Variants in CCDC85C observed in about 807,000 individuals in gnomAD.
CCDC85C encodes the protein coiled-coil domain-containing protein 85C.
A neutral mutation model predicts 38.3 loss-of-function variants in CCDC85C; 18 were observed. The ratio of observed to expected loss-of-function variants is 0.47; its 90% CI spans 0.33 to 0.70. The LOEUF (loss-of-function observed/expected upper bound fraction) is 0.70, where lower values mean the gene tolerates loss of function less well. CCDC85C is among the 30% of genes least tolerant of loss of function. CCDC85C has a pLI of 0.03. For synonymous variants in CCDC85C, 264 were observed against 293.8 expected, an observed-to-expected ratio of 0.90 and a Z score of 1.04; for missense variants, 566 against 621.2, an observed-to-expected ratio of 0.91 and a Z score of 0.94.
chr14:99,507,280 G>A lies in CCDC85C; in HGVS notation c.*7966C>T. 4.1e-6 allele frequency: 3 copies of A among 724,734 alleles called. No homozygotes were observed. Among genetic ancestry groups the A allele is most frequent in the Non-Finnish European group, 5.0e-6 (2 of 399,254 alleles). 44.9% of individuals were successfully genotyped at this position (724,734 alleles called of 1,614,324 possible). A position where few individuals can be genotyped will look rare whatever the true frequency, so the allele number is the denominator to read the frequency against. ...ATGTCAGCCACAGGCAGGAATCTTT[G>A]CAAAATTGTTCTTGGGCTGGGCACA... On this transcript the variant is annotated 3_prime_UTR_variant, in exon 6 of 6. Coordinates refer to ENST00000380243, the MANE Select transcript of CCDC85C (RefSeq NM_001144995.2).
intron 1 of CCDC85C, among the ~76,000 whole-genome samples, chr14:99,551,192 G>A (rs899792985): frequency 1.3e-5 from 2 of 152,212 alleles, no homozygotes; most frequent in African/African-American, 4.8e-5. Context: ...GTCCTGGGGT[G>A]GGGTGAGGGT....
intron 1 of CCDC85C, chr14:99,580,162 C>G (rs1307921821): frequency 4.4e-6 from 2 of 454,512 alleles, no homozygotes; most frequent in African/African-American, 4.0e-5. Flanking sequence ...GCCCCCGGCA[C>G]ACCCAGAGGA....
At position 99,505,909 on chromosome 14, in the gene CCDC85C, G is replaced by T. The variant is rs555187406; in HGVS notation, c.*9337C>A. The T allele has an allele frequency of 1.3e-5, 2 of 152,374 alleles. No individual in the cohort carries two copies. The highest frequency in any genetic ancestry group is 1.3e-4 in the Admixed American group (2 of 15,306). 9.4% of individuals were successfully genotyped at this position (152,374 alleles called of 1,614,324 possible). On this transcript the variant is annotated 3_prime_UTR_variant, in exon 6 of 6. Transcript: ENST00000380243. ...TAAAATTGTAGATATGTGGCTCTCA[G>T]TTATATTGCTGTTGGACAGCCCTGA...
intron 1 of CCDC85C, among the ~76,000 whole-genome samples, chr14:99,540,587 G>A (rs1220696045): frequency 2.0e-5 from 3 of 152,240 alleles, no homozygotes; most frequent in Non-Finnish European, 4.4e-5. Context: ...TTGGCTGCCT[G>A]AGGGCAAAAT....
chr14:99,587,275 C>T (rs2055037283), intron 1 of CCDC85C, among the ~76,000 whole-genome samples: 1 of 152,260 alleles, frequency 6.6e-6, no homozygotes, highest in Non-Finnish European at 1.5e-5. Flanking sequence ...TCACCATGGC[C>T]TGTCCCTCCA....
At position 99,507,321 on chromosome 14, in the gene CCDC85C, G is replaced by T; in HGVS notation, c.*7925C>A. ...GCTGGGCACAATGGCTTGTGTTTTT[G>T]ATCCCAGCACTTTGGGAGGCGGAGG... On this transcript the variant is annotated 3_prime_UTR_variant, in exon 6 of 6. Transcript: ENST00000380243. The T allele has an allele frequency of 1.6e-6, 1 of 624,412 alleles. No individual in the cohort carries two copies. Among genetic ancestry groups the T allele is most frequent in the Non-Finnish European group, 2.9e-6 (1 of 346,014 alleles). The allele number at this position is 624,412 out of a possible 1,614,324, so 38.7% of individuals were successfully genotyped here. A position where few individuals can be genotyped will look rare whatever the true frequency, so the allele number is the denominator to read the frequency against.
intron 1 of CCDC85C, among the ~76,000 whole-genome samples, chr14:99,573,652 G>T (rs1898406624): frequency 6.6e-6 from 1 of 152,234 alleles, no homozygotes; most frequent in Non-Finnish European, 1.5e-5. Context: ...CAGGGCAGGG[G>T]CCTGCAGCTG....
chr14:99,603,475 C>T lies in CCDC85C; in HGVS notation c.485G>A (p.Gly162Glu). The part of the protein sequence containing the change: ...DEERAALAAT[G>E]AASGGGGGGG... ...GCCGCCGCCGCCACCGCTTGCGGCC[C>T]CCGTCGCCGCCAGTGCCGCGCGCTC... The change falls in exon 1 of 6, where the codon GGG becomes GAG. Residue 162 changes from glycine (G) to glutamate (E), a missense_variant. Physicochemically the swap from Gly to Glu is moderately conservative, Grantham distance 98. Coordinates refer to ENST00000380243, the MANE Select transcript of CCDC85C (RefSeq NM_001144995.2). This position sits in a 1 kb window ranked among gnomAD's most constrained non-coding sequence, Gnocchi z 7.5. 1 of 1,287,512 alleles carries T rather than the reference C, an allele frequency of 7.8e-7. No homozygotes were observed. Among genetic ancestry groups the T allele is most frequent in the Non-Finnish European group, 9.8e-7 (1 of 1,024,750 alleles). The allele number at this position is 1,287,512 out of a possible 1,614,324, so 79.8% of individuals were successfully genotyped here.
At chr14:99,549,219 A>C (rs998577468) in intron 1 of CCDC85C, among the ~76,000 whole-genome samples, 3 of 152,188 alleles carry the variant, frequency 2.0e-5, no homozygotes, top group Admixed American at 6.5e-5. Flanking sequence ...TCTTAATAAG[A>C]AGTAAGTTAA....
Position 99,510,161 on chromosome 14 carries a change from G to C in CCDC85C, c.*5085C>G. ...TGATGCGTCTCTCTCCTGCAGACCG[G>C]AAGCCTCCCCTCGCTGCTGCCTTAG... On this transcript the variant is annotated 3_prime_UTR_variant, in exon 6 of 6. Coordinates refer to ENST00000380243, the MANE Select transcript of CCDC85C (RefSeq NM_001144995.2). The C allele has an allele frequency of 1.9e-6, 3 of 1,596,424 alleles. No individual in the cohort carries two copies. In the African/African-American group the frequency reaches 4.0e-5, roughly 21 times the overall value.
rs933769527 is a variant in CCDC85C, at chr14:99,520,651, C to T, written c.975+1482G>A. Among the ~76,000 whole-genome samples, 1 of 152,186 alleles carries T rather than the reference C, an allele frequency of 6.6e-6. No individual in the cohort carries two copies. On this transcript the variant is annotated intron_variant, in intron 3 of 5. Transcript: ENST00000380243. The surrounding 1 kb of genome is among the most constrained non-coding windows in gnomAD (Gnocchi z 4.1). ...GGCCCCTGAACCTCAGTTTATCACCCGGCCTCCTGGCCTCATGGAGGAGCG... is the reference window on the plus strand; with the variant it reads ...GGCCCCTGAACCTCAGTTTATCACCTGGCCTCCTGGCCTCATGGAGGAGCG...
In CCDC85C at chr14:99,506,477, C is replaced by T. The variant is rs1282066520; in HGVS notation, c.*8769G>A. On this transcript the variant is annotated 3_prime_UTR_variant, in exon 6 of 6. Transcript: ENST00000380243. ...CCGGAAGGGTGGGCTGTTTCCTCCA[C>T]CTCAAGGGGTCCTGACTGCTGGGCT... The T allele has an allele frequency of 2.0e-5, 3 of 153,108 alleles. No individual in the cohort carries two copies. The highest frequency in any genetic ancestry group is 4.4e-5 in the Non-Finnish European group (3 of 68,688). The allele number at this position is 153,108 out of a possible 1,614,324, so 9.5% of individuals were successfully genotyped here.
rs534603051 is a variant in CCDC85C at position 99,517,145 on chromosome 14, G to T, written c.1014C>A (p.Pro338=). 797 of 1,549,972 alleles carry T rather than the reference G, an allele frequency of 5.1e-4. 4 individuals carry two copies. In the Middle Eastern group the frequency reaches 7.6e-3, roughly 15 times the overall value. Residue 338 remains proline, a synonymous_variant, in exon 4 of 6, where the codon CCC becomes CCA. Transcript: ENST00000380243. ...ACPAPELPSP[P]SAGYSPAGQK... is the part of the protein sequence containing the mutation. ...GTCCTGCAGGGCTGTAGCCAGCAGA[G>T]GGGGGCGAGGGCAGCTCAGGTGCGG...
rs981770889 is a variant in CCDC85C, at chr14:99,588,329, G to A, written c.793+14838C>T. On this transcript the variant is annotated intron_variant, in intron 1 of 5. Coordinates refer to ENST00000380243, the MANE Select transcript of CCDC85C (RefSeq NM_001144995.2). The surrounding 1 kb of genome is among the most constrained non-coding windows in gnomAD (Gnocchi z 5.0). ...CATCCAGGGTGGCTTCAGCCAGGCC[G>A]GCCAGTCCTGTGCACAAACCACCTT... Among the ~76,000 whole-genome samples the A allele has an allele frequency of 2.0e-5, 3 of 151,972 alleles. No individual in the cohort carries two copies. Among genetic ancestry groups the A allele is most frequent in the Non-Finnish European group, 4.4e-5 (3 of 68,018 alleles).
intron 1 of CCDC85C, among the ~76,000 whole-genome samples, chr14:99,563,249 T>A (rs1479186297): frequency 6.6e-6 from 1 of 152,252 alleles, no homozygotes; most frequent in Non-Finnish European, 1.5e-5. Flanking sequence ...TCCCTCCTGC[T>A]TCTCCGTCCA....
chr14:99,534,596 A>C, intron 2 of CCDC85C: 1 of 702,068 alleles, frequency 1.4e-6, no homozygotes, highest in Non-Finnish European at 2.6e-6. Flanking sequence ...TACACACTGC[A>C]TGGGGACCTT....
At chr14:99,595,859 T>C (rs2055137310) in intron 1 of CCDC85C, among the ~76,000 whole-genome samples, 1 of 152,194 alleles carries the variant, frequency 6.6e-6, no homozygotes, top group African/African-American at 2.4e-5. Context: ...GCAACTGTTG[T>C]GGGAGGCGAG....
Position 99,509,908 on chromosome 14 carries a change from T to G in CCDC85C, c.*5338A>C. ...GGGTGCTGCCGAGACTGCCTGTAGGTGGTGTGGTCAGGGCTGAGGGAGGGA... is the reference window on the plus strand; with the variant it reads ...GGGTGCTGCCGAGACTGCCTGTAGGGGGTGTGGTCAGGGCTGAGGGAGGGA... On this transcript the variant is annotated 3_prime_UTR_variant, in exon 6 of 6. Transcript: ENST00000380243. The G allele has an allele frequency of 1.8e-6, 1 of 552,110 alleles. No homozygotes were observed. Among genetic ancestry groups the G allele is most frequent in the East Asian group, 3.1e-5 (1 of 32,214 alleles). The allele number at this position is 552,110 out of a possible 1,614,324, so 34.2% of individuals were successfully genotyped here.
chr14:99,534,578 G>A (rs1897556273), intron 2 of CCDC85C: 2 of 700,976 alleles, frequency 2.9e-6, no homozygotes, highest in Admixed American at 4.0e-5. Flanking sequence ...AGGCAGGACT[G>A]CCTCTCCTAC....
Sources: gnomAD v4.1 joint callset for allele counts (sites outside exome capture counted in the v4.1 genomes callset) on GRCh38, gnomAD v4.1.1 for gene constraint, Gnocchi (gnomAD v3.1) non-coding constraint, MANE v1.5 for transcripts, NCBI Gene and HGNC (gene_info 2026-07-23, HGNC 2026-07-21) for gene names.